The following EPC1 variants were observed in gnomAD, a reference collection of about 807,000 sequenced individuals.
The protein encoded by EPC1 is enhancer of polycomb 1, also known as enhancer of polycomb homolog 1.
A neutral mutation model predicts 98.4 loss-of-function variants in EPC1; 12 were observed. The observed-to-expected ratio is 0.12, with a 90% CI of 0.08 to 0.20. The LOEUF (loss-of-function observed/expected upper bound fraction) is 0.20, where lower values mean the gene tolerates loss of function less well. Ranked by LOEUF, EPC1 falls within the 10% of genes least tolerant of loss-of-function variation. The probability of loss-of-function intolerance (pLI) is 1.00; values close to 1 mark genes in which losing one functional copy is unlikely to be tolerated. For synonymous variants in EPC1, 357 were observed against 363.9 expected (o/e 0.98, Z 0.21); for missense variants, 729 against 990.5 (o/e 0.74, Z 3.54).
chr10:32,330,089 C>T (rs2132962859), intron 1 of EPC1, among the ~76,000 whole-genome samples: 1 of 152,292 alleles, frequency 6.6e-6, no homozygotes, highest in African/African-American at 2.4e-5. Flanking sequence ...TATAATGCCA[C>T]TTTGAAAACA....
chr10:32,273,018 A>G (rs776191273), intron 11 of EPC1, 145 bp downstream of exon 11: 22 of 1,613,796 alleles, frequency 1.4e-5, no homozygotes, highest in Non-Finnish European at 5.1e-6. Flanking sequence ...ACTCACCTGT[A>G]GTGTTCTTTC....
chr10:32,309,146 G>C (rs975112922), intron 1 of EPC1, among the ~76,000 whole-genome samples: 4 of 152,198 alleles, frequency 2.6e-5, no homozygotes, highest in African/African-American at 9.7e-5. Context: ...GGTAGAAAAA[G>C]TGGGGATGGT....
chr10:32,358,063 C>G (rs1564566296), intron 1 of EPC1, among the ~76,000 whole-genome samples: 1 of 151,730 alleles, frequency 6.6e-6, no homozygotes, highest in Non-Finnish European at 1.5e-5. Context: ...CCATGTTGGC[C>G]AGGCTAGTCT....
upstream of EPC1, chr10:32,347,260 C>G (rs1170724877): frequency 8.9e-7 from 1 of 1,118,504 alleles, no homozygotes; most frequent in Non-Finnish European, 1.1e-6. Flanking sequence ...GGCGCCGGCA[C>G]GAAGCGCGCG....
chr10:32,344,245 C>CT (rs1838592017), intron 1 of EPC1, among the ~76,000 whole-genome samples: 1 of 152,232 alleles, frequency 6.6e-6, no homozygotes, highest in African/African-American at 2.4e-5. Flanking sequence ...CACCCTACCA[C>CT]TAACAGCATG....
At chr10:32,289,046 G>A (rs181846491) in intron 6 of EPC1, among the ~76,000 whole-genome samples, 4 of 152,022 alleles carry the variant, frequency 2.6e-5, no homozygotes, top group African/African-American at 7.2e-5. Flanking sequence ...CCAAGATTGC[G>A]CCACTGCACT....
At chr10:32,288,919 C>G (rs942584396) in intron 6 of EPC1, among the ~76,000 whole-genome samples, 2 of 151,932 alleles carry the variant, frequency 1.3e-5, no homozygotes, top group South Asian at 4.1e-4. Context: ...GAAACCCTGT[C>G]TCTACTAAAA....
intron 10 of EPC1, among the ~76,000 whole-genome samples, chr10:32,278,365 T>C (rs2986925): frequency 0.038 from 2,663 of 70,464 alleles, 37 homozygotes; most frequent in Non-Finnish European, 0.053. Flanking sequence ...ACTTTGGTTT[T>C]TTTTTGTTTT....
chr10:32,340,348 C>G (rs981872713), intron 1 of EPC1, among the ~76,000 whole-genome samples: 12 of 152,200 alleles, frequency 7.9e-5, no homozygotes, highest in Admixed American at 2.0e-4. Context: ...ATACCTATTA[C>G]AGCAGGGTTG....
chr10:32,317,061 T>C (rs1000952942), intron 1 of EPC1, among the ~76,000 whole-genome samples: 4 of 152,182 alleles, frequency 2.6e-5, no homozygotes, highest in African/African-American at 9.6e-5. Flanking sequence ...CTGTAAAATC[T>C]TGCTGAACCC....
chr10:32,308,423 G>C (rs1467185529), intron 1 of EPC1, among the ~76,000 whole-genome samples: 1 of 150,866 alleles, frequency 6.6e-6, no homozygotes, highest in Non-Finnish European at 1.5e-5. Context: ...GAGACTATTA[G>C]TTGGTCAGAA....
At chr10:32,290,525 C>T (rs1443451239) in intron 6 of EPC1, among the ~76,000 whole-genome samples, 1 of 98,082 alleles carries the variant, frequency 1.0e-5, no homozygotes, top group South Asian at 3.3e-4. Flanking sequence ...AAGAAAAACT[C>T]ATCTGATCAG....
chr10:32,367,154 C>T (rs1377040756), intron 1 of EPC1, among the ~76,000 whole-genome samples: 1 of 152,162 alleles, frequency 6.6e-6, no homozygotes, highest in Non-Finnish European at 1.5e-5. Flanking sequence ...AGCCACCACA[C>T]CTGGCTAATT....
At chr10:32,329,566 G>GT (rs1308346767) in intron 1 of EPC1, among the ~76,000 whole-genome samples, 1 of 152,144 alleles carries the variant, frequency 6.6e-6, no homozygotes, top group African/African-American at 2.4e-5. Flanking sequence ...TAATCACATA[G>GT]TAACCACAGG....
chr10:32,350,968 C>T (rs1839093431), upstream of EPC1, among the ~76,000 whole-genome samples: 2 of 152,186 alleles, frequency 1.3e-5, no homozygotes, highest in South Asian at 2.1e-4. Context: ...GAAACAGCCT[C>T]CCATTCATCC....
intron 1 of EPC1, among the ~76,000 whole-genome samples, chr10:32,306,539 C>T (rs1835885341): frequency 6.6e-6 from 1 of 152,146 alleles, no homozygotes; most frequent in East Asian, 1.9e-4. Flanking sequence ...TCTCTGGACT[C>T]AGGCTGTCTG....
chr10:32,316,923 T>C (rs1452030281), intron 1 of EPC1, among the ~76,000 whole-genome samples: 1 of 152,172 alleles, frequency 6.6e-6, no homozygotes, highest in Non-Finnish European at 1.5e-5. Context: ...AAAAATAAGA[T>C]GAATGGAGAG....
At chr10:32,306,018 T>C (rs1835857750) in intron 1 of EPC1, 87 bp from the exon 2 acceptor site, 2 of 1,215,078 alleles carry the variant, frequency 1.6e-6, no homozygotes, top group Non-Finnish European at 2.2e-6. Flanking sequence ...TTTGGCTCAT[T>C]TGTTTTTAAA....
At chr10:32,330,510 A>G (rs951132780) in intron 1 of EPC1, among the ~76,000 whole-genome samples, 1 of 152,102 alleles carries the variant, frequency 6.6e-6, no homozygotes, top group African/African-American at 2.4e-5. Context: ...GAAGACACAC[A>G]TGTATTAGGG....
Sources: gnomAD v4.1 joint callset for allele counts (sites outside exome capture counted in the v4.1 genomes callset) on GRCh38, gnomAD v4.1.1 for gene constraint, MANE v1.5 for transcripts, NCBI Gene and HGNC (gene_info 2026-07-23, HGNC 2026-07-21) for gene names.